TMEM132B: variants seen among roughly 807,000 people sequenced by gnomAD.
TMEM132B encodes the protein transmembrane protein 132B.
A neutral mutation model predicts 90.8 loss-of-function variants in TMEM132B; 18 were observed. The ratio of observed to expected loss-of-function variants is 0.20; its 90% CI spans 0.14 to 0.29. TMEM132B has a LOEUF of 0.29. TMEM132B is among the 10% of genes least tolerant of loss of function. The probability of loss-of-function intolerance (pLI) is 1.00; values close to 1 mark genes in which losing one functional copy is unlikely to be tolerated. For missense variants in TMEM132B, 1,096 were observed against 1,326.8 expected (o/e 0.83, Z 2.70); for synonymous variants, 504 against 523.3 (o/e 0.96, Z 0.50).
At chr12:125,647,861 G>T (rs112440929) in intron 6 of TMEM132B, among the ~76,000 whole-genome samples, 154 of 150,474 alleles carry the variant, frequency 1.0e-3, no homozygotes, top group African/African-American at 3.5e-3. Flanking sequence ...GTGGTACTTA[G>T]GATAGACAGA....
chr12:125,265,400 A>G (rs775893481), intron 1 of TMEM132B, among the ~76,000 whole-genome samples: 2 of 152,268 alleles, frequency 1.3e-5, no homozygotes, highest in South Asian at 4.1e-4. Flanking sequence ...TACCACAATT[A>G]TAACAATATA....
intron 1 of TMEM132B, among the ~76,000 whole-genome samples, chr12:125,250,191 C>T (rs1373096585): frequency 6.6e-6 from 1 of 152,240 alleles, no homozygotes; most frequent in African/African-American, 2.4e-5. Flanking sequence ...GGGCGGCACA[C>T]CCCAGTGCCC....
At chr12:125,437,259 C>T (rs992842632) in intron 3 of TMEM132B, among the ~76,000 whole-genome samples, 1 of 152,220 alleles carries the variant, frequency 6.6e-6, no homozygotes, top group Non-Finnish European at 1.5e-5. Flanking sequence ...GATGCGCTGA[C>T]TATGATTCTG....
intron 1 of TMEM132B, among the ~76,000 whole-genome samples, chr12:125,188,656 C>T (rs1209114672): frequency 6.6e-6 from 1 of 151,500 alleles, no homozygotes; most frequent in Non-Finnish European, 1.5e-5. Context: ...CTGGCCGGCT[C>T]TTTGCCTGCT....
chr12:125,464,614 A>G (rs917310730), intron 3 of TMEM132B, among the ~76,000 whole-genome samples: 1 of 152,184 alleles, frequency 6.6e-6, no homozygotes, highest in Non-Finnish European at 1.5e-5. Flanking sequence ...CTGAAGTATT[A>G]ATAGTAACTT....
At chr12:125,456,085 T>G (rs953456334) in intron 3 of TMEM132B, among the ~76,000 whole-genome samples, 1 of 152,154 alleles carries the variant, frequency 6.6e-6, no homozygotes, top group African/African-American at 2.4e-5. Flanking sequence ...CAGGCCGAAT[T>G]TGGCCCATGG....
chr12:125,525,485 C>G (rs1883427131), intron 4 of TMEM132B, among the ~76,000 whole-genome samples: 1 of 152,182 alleles, frequency 6.6e-6, no homozygotes, highest in Non-Finnish European at 1.5e-5. Context: ...TTTCGTCCTC[C>G]CTGGAAGACG....
chr12:125,514,314 C>G (rs1247327492), intron 3 of TMEM132B, among the ~76,000 whole-genome samples: 1 of 152,138 alleles, frequency 6.6e-6, no homozygotes, highest in Non-Finnish European at 1.5e-5. Context: ...TGTGTCAGCA[C>G]TACAGTCAGG....
chr12:125,417,518 C>T (rs1239761264), intron 3 of TMEM132B, among the ~76,000 whole-genome samples: 1 of 152,178 alleles, frequency 6.6e-6, no homozygotes, highest in Non-Finnish European at 1.5e-5. Flanking sequence ...GCTTGATTCT[C>T]TACTTCGCCT....
In TMEM132B at chr12:125,640,097, C is replaced by G. The variant is rs1006434107; in HGVS notation, c.1438-3979C>G. Among the ~76,000 whole-genome samples, 5 of 152,162 alleles carry G rather than the reference C, an allele frequency of 3.3e-5. No individual in the cohort carries two copies. The East Asian group carries it at 9.6e-4, about 29-fold the overall frequency. ...TCGTCAGTTCCCACAGGACAACATG[C>G]AGTGCGAGGAGGAGGCGCCACTTTC... is the stretch of plus-strand genomic sequence containing the variant. On this transcript the variant is annotated intron_variant, in intron 5 of 8. Transcript: ENST00000682704.
intron 1 of TMEM132B, among the ~76,000 whole-genome samples, chr12:125,334,201 A>C (rs1876880852): frequency 6.6e-6 from 1 of 152,218 alleles, no homozygotes; most frequent in Admixed American, 6.5e-5. Flanking sequence ...TTAAATGCAA[A>C]TATAAGAGCA....
At chr12:125,484,344 G>C (rs911897669) in intron 3 of TMEM132B, among the ~76,000 whole-genome samples, 2 of 152,126 alleles carry the variant, frequency 1.3e-5, no homozygotes, top group African/African-American at 4.8e-5. Context: ...TCCTTTAGTA[G>C]TGGCTCCTTG....
chr12:125,275,639 A>G (rs1298252189), intron 1 of TMEM132B, among the ~76,000 whole-genome samples: 5 of 152,232 alleles, frequency 3.3e-5, no homozygotes, highest in African/African-American at 1.2e-4. Flanking sequence ...ACAGATGGTA[A>G]GTTGACTATG....
At chr12:125,596,924 G>A (rs972720613) in intron 5 of TMEM132B, among the ~76,000 whole-genome samples, 3 of 152,140 alleles carry the variant, frequency 2.0e-5, no homozygotes, top group Non-Finnish European at 4.4e-5. Context: ...ATGTCTGAAG[G>A]CCACATGTAG....
At chr12:125,304,161 C>G (rs191992351) in intron 1 of TMEM132B, among the ~76,000 whole-genome samples, 79 of 152,350 alleles carry the variant, frequency 5.2e-4, no homozygotes, top group Middle Eastern at 6.8e-3. Context: ...CTATGAGAAT[C>G]TAATGCCACT....
rs1879994631 is a variant in TMEM132B at position 125,415,779 on chromosome 12, T to C, written c.1106+102T>C. 1 of 1,374,804 alleles carries C rather than the reference T, an allele frequency of 7.3e-7. No homozygotes were observed. Among genetic ancestry groups the C allele is most frequent in the Admixed American group, 2.9e-5 (1 of 34,774 alleles). The allele number at this position is 1,374,804 out of a possible 1,614,324, so 85.2% of individuals were successfully genotyped here. On this transcript the variant is annotated intron_variant, in intron 3 of 8. Transcript: ENST00000682704. The surrounding 1 kb of genome is among the most constrained non-coding windows in gnomAD (Gnocchi z 5.3). ...GTGCGTGTGGATAAAGCGATGCCTCTGCGTTTAATGAGAAATGATTTTTGA... is the reference window on the plus strand; with the variant it reads ...GTGCGTGTGGATAAAGCGATGCCTCCGCGTTTAATGAGAAATGATTTTTGA...
intron 4 of TMEM132B, among the ~76,000 whole-genome samples, chr12:125,531,936 C>G (rs1214466621): frequency 6.6e-6 from 1 of 152,228 alleles, no homozygotes; most frequent in Non-Finnish European, 1.5e-5. Flanking sequence ...AGCCAACTAC[C>G]CACACTGTTA....
At chr12:125,522,700 G>A (rs1883338008) in intron 4 of TMEM132B, among the ~76,000 whole-genome samples, 1 of 152,308 alleles carries the variant, frequency 6.6e-6, no homozygotes, top group Non-Finnish European at 1.5e-5. Context: ...TGGCCACCAT[G>A]AACTGTAGGA....
chr12:125,443,590 G>A (rs1880932383), intron 3 of TMEM132B, among the ~76,000 whole-genome samples: 1 of 152,152 alleles, frequency 6.6e-6, no homozygotes, highest in Admixed American at 6.5e-5. Flanking sequence ...AACAATCACT[G>A]CTGTGGGATT....
Sources: allele counts gnomAD v4.1 joint callset (sites outside exome capture counted in the v4.1 genomes callset), GRCh38; gene constraint gnomAD v4.1.1; non-coding constraint Gnocchi (gnomAD v3.1); transcripts MANE v1.5; gene names NCBI Gene and HGNC (gene_info 2026-07-23, HGNC 2026-07-21).